TRIO: variants seen among roughly 807,000 people sequenced by gnomAD.
TRIO encodes trio Rho guanine nucleotide exchange factor.
In TRIO, 58 loss-of-function variants were observed where a neutral mutation model predicts 351.9. The observed-to-expected ratio is 0.16, with a 90% confidence interval of 0.13 to 0.21. TRIO has a LOEUF of 0.21. Among genes scored for constraint, TRIO ranks in the 10% least tolerant of loss-of-function variants. TRIO has a pLI of 1.00. For missense variants in TRIO, 3,201 were observed against 4,027.8 expected, an observed-to-expected ratio of 0.79 and a Z score of 5.56; for synonymous variants, 1,758 against 1,595.7, an observed-to-expected ratio of 1.10 and a Z score of -2.42.
At chr5:14,313,324 C>T (rs900645133) in intron 8 of TRIO, among the ~76,000 whole-genome samples, 4 of 152,178 alleles carry the variant, frequency 2.6e-5, no homozygotes, top group Non-Finnish European at 5.9e-5. Flanking sequence ...ACCCCTCCAC[C>T]GCCATGAGCA....
intron 34 of TRIO, among the ~76,000 whole-genome samples, chr5:14,423,498 A>C (rs1055508160): frequency 6.6e-6 from 1 of 152,222 alleles, no homozygotes; most frequent in Non-Finnish European, 1.5e-5. Flanking sequence ...AAGAATGTGT[A>C]TATTTCCAGT....
chr5:14,428,542 T>C (rs1490611571), intron 34 of TRIO, among the ~76,000 whole-genome samples: 1 of 152,170 alleles, frequency 6.6e-6, no homozygotes, highest in Non-Finnish European at 1.5e-5. Context: ...CAGCCAAGAC[T>C]GAGAGATCAG....
Position 14,508,529 on chromosome 5 carries a change from A to G in TRIO, c.*107A>G, listed in dbSNP as rs1757876794. ...TAACTGATCAGCTGCCGGTATGTTC[A>G]TCGTGTGAAATTGCATTCCAAGTGA... On this transcript the variant is annotated 3_prime_UTR_variant, in exon 57 of 57. Coordinates refer to ENST00000344204, the MANE Select transcript of TRIO (RefSeq NM_007118.4). The G allele has an allele frequency of 7.3e-7, 1 of 1,368,198 alleles. No individual in the cohort carries two copies. The highest frequency in any genetic ancestry group is 1.5e-5 in the African/African-American group (1 of 68,752). The allele number at this position is 1,368,198 out of a possible 1,614,324, so 84.8% of individuals were successfully genotyped here.
intron 1 of TRIO, among the ~76,000 whole-genome samples, chr5:14,224,426 G>A (rs1373859614): frequency 4.6e-5 from 7 of 151,904 alleles, no homozygotes; most frequent in East Asian, 3.9e-4. Context: ...TGAGGTTCTC[G>A]GTGAGCACAG....
intron 1 of TRIO, among the ~76,000 whole-genome samples, chr5:14,170,780 C>T (rs1789053589): frequency 6.6e-6 from 1 of 152,162 alleles, no homozygotes; most frequent in Non-Finnish European, 1.5e-5. Context: ...GCTGGGATTA[C>T]AGGAGTGAAC....
chr5:14,288,548 T>C (rs1736639555), intron 4 of TRIO, among the ~76,000 whole-genome samples: 1 of 151,992 alleles, frequency 6.6e-6, no homozygotes, highest in African/African-American at 2.4e-5. Context: ...GCACCTGTAG[T>C]CCCAGCTACT....
At chr5:14,271,001 G>T in intron 2 of TRIO, 102 bp downstream of exon 2, 1 of 835,236 alleles carries the variant, frequency 1.2e-6, no homozygotes, top group Admixed American at 2.6e-5. Flanking sequence ...TAAAAACATT[G>T]GCATTTCTAT....
intron 6 of TRIO, among the ~76,000 whole-genome samples, chr5:14,293,443 C>T (rs546465017): frequency 8.5e-4 from 129 of 152,324 alleles, no homozygotes; most frequent in African/African-American, 2.9e-3. Context: ...CCCACGGGGG[C>T]CCCAGCAAAG....
intron 34 of TRIO, among the ~76,000 whole-genome samples, chr5:14,453,213 A>G (rs1004728125): frequency 1.3e-5 from 2 of 152,210 alleles, no homozygotes; most frequent in African/African-American, 4.8e-5. Flanking sequence ...TGGTGCTTCA[A>G]GCAGATCACA....
At chr5:14,399,319 G>A in intron 30 of TRIO, 1 of 466,228 alleles carries the variant, frequency 2.1e-6, no homozygotes, top group South Asian at 5.8e-5. Context: ...TATAACTGCA[G>A]GATAAGAAAA....
chr5:14,466,513 A>T (rs1033152156), intron 37 of TRIO: 1 of 152,240 alleles, frequency 6.6e-6, no homozygotes, highest in African/African-American at 2.4e-5. Flanking sequence ...CTTCTAACTG[A>T]TTCAAATCAA....
At chr5:14,163,266 T>C (rs1488771056) in intron 1 of TRIO, among the ~76,000 whole-genome samples, 1 of 152,142 alleles carries the variant, frequency 6.6e-6, no homozygotes, top group Non-Finnish European at 1.5e-5. Flanking sequence ...TGAGAACATG[T>C]GGTGTTTGGT....
At chr5:14,237,439 G>T (rs1247147804) in intron 1 of TRIO, among the ~76,000 whole-genome samples, 1 of 152,158 alleles carries the variant, frequency 6.6e-6, no homozygotes, top group African/African-American at 2.4e-5. Flanking sequence ...TCGTGTGATG[G>T]GGCCCGTAAG....
At chr5:14,405,763 A>G in intron 31 of TRIO, 85 bp from the exon 32 acceptor site, 1 of 1,459,624 alleles carries the variant, frequency 6.9e-7, no homozygotes. Flanking sequence ...TAGAAACTCA[A>G]GGAATGCAGG....
In TRIO at chr5:14,487,852, G is replaced by C. The variant is rs1289252818; in HGVS notation, c.7224G>C (p.Pro2408=). The C allele has an allele frequency of 3.2e-5, 49 of 1,527,820 alleles. No homozygotes were observed. The East Asian group carries it at 1.2e-3, about 39-fold the overall frequency. 94.6% of individuals were successfully genotyped at this position (1,527,820 alleles called of 1,614,324 possible). The change falls in exon 48 of 57, where the codon CCG becomes CCC. Residue 2408 remains proline, a synonymous_variant. Transcript: ENST00000344204. The part of the protein sequence containing the change: ...DAEGSEREAE[P]IPKMKVLESP... ...AGGGGTCCGAGCGAGAAGCGGAGCC[G>C]ATCCCCAAGATGAAGGTGCTGGAGA...
chr5:14,298,096 G>A (rs144341041), intron 7 of TRIO, among the ~76,000 whole-genome samples: 178 of 152,240 alleles, frequency 1.2e-3, no homozygotes, highest in Middle Eastern at 6.8e-3. Context: ...GCTTTTTTGG[G>A]TACACAGTTG....
intron 34 of TRIO, chr5:14,420,603 G>A (rs1750036294): frequency 6.5e-6 from 1 of 153,198 alleles, no homozygotes; most frequent in African/African-American, 2.4e-5. Context: ...AGCCAAAGGT[G>A]TCCACTTCCA....
chr5:14,313,817 A>C (rs1002601424), intron 8 of TRIO, among the ~76,000 whole-genome samples: 1 of 152,236 alleles, frequency 6.6e-6, no homozygotes, highest in Admixed American at 6.5e-5. Flanking sequence ...CTGCCAGCTT[A>C]GCCCCTAAAC....
intron 34 of TRIO, among the ~76,000 whole-genome samples, chr5:14,420,995 T>C (rs1038373362): frequency 3.7e-4 from 57 of 152,142 alleles, no homozygotes; most frequent in African/African-American, 1.4e-3. Context: ...CTGGTGGAGG[T>C]TGGGTTTTTG....
Sources: gnomAD v4.1 joint callset for allele counts (sites outside exome capture counted in the v4.1 genomes callset) on GRCh38, gnomAD v4.1.1 for gene constraint, MANE v1.5 for transcripts, NCBI Gene and HGNC (gene_info 2026-07-23, HGNC 2026-07-21) for gene names.